Variants in PHLPP2 observed in about 807,000 individuals in gnomAD.
PHLPP2 encodes PH domain leucine-rich repeat-containing protein phosphatase 2.
In PHLPP2, 66 loss-of-function variants were observed where a neutral mutation model predicts 124.9. That is an observed-to-expected ratio of 0.53 (90% CI 0.43 to 0.65). The LOEUF is 0.65. PHLPP2 is among the 30% of genes least tolerant of loss of function. PHLPP2 has a pLI of 0.00. For missense variants in PHLPP2, 1,685 were observed against 1,600.4 expected (o/e 1.05, Z -0.90); for synonymous variants, 681 against 624.7 (o/e 1.09, Z -1.34).
chr16:71,704,259 G>A lies in PHLPP2; in HGVS notation c.285-1528C>T, dbSNP rs190242553. ...CTGGGAGAAGAGCTTGCAGTGAGCC[G>A]AGATGGTGCCACCGCACTCCAGCCT... On this transcript the variant is annotated intron_variant, in intron 2 of 18. Coordinates refer to ENST00000568954, the MANE Select transcript of PHLPP2 (RefSeq NM_015020.3). Among the ~76,000 whole-genome samples the A allele has an allele frequency of 4.3e-3, 634 of 147,154 alleles. 9 individuals are homozygous for A. The highest frequency in any genetic ancestry group is 0.015 in the African/African-American group (603 of 39,418).
In PHLPP2 at chr16:71,714,611, A is replaced by G. The variant is rs761026612; in HGVS notation, c.185T>C (p.Leu62Ser). ...CTCTACAGTGCAAAGGACGAGATGT[A>G]AGTCAGAGGAAGAGGAGGAGGAGGA... Reference protein sequence around the residue: ...SSSSSSSSSDLHLVLCTVETP... With the variant: ...SSSSSSSSSDSHLVLCTVETP... The change falls in exon 2 of 19, where the codon TTA becomes TCA. Residue 62 changes from leucine (L) to serine (S), a missense_variant. Physicochemically the swap from Leu to Ser is moderately radical, Grantham distance 145. Transcript: ENST00000568954. 38 of 1,614,090 alleles carry G rather than the reference A, an allele frequency of 2.4e-5. No individual in the cohort carries two copies. The South Asian group carries it at 3.6e-4, about 15-fold the overall frequency.
chr16:71,664,630 T>C lies in PHLPP2; in HGVS notation c.1785-531A>G, dbSNP rs372401669. 2.9e-4 allele frequency among the ~76,000 whole-genome samples: 44 copies of C among 152,204 alleles called. 1 individual carries two copies. The East Asian group carries it at 7.9e-3, about 27-fold the overall frequency. On this transcript the variant is annotated intron_variant, in intron 12 of 18. Coordinates refer to ENST00000568954, the MANE Select transcript of PHLPP2 (RefSeq NM_015020.3). ...AGCTGGGTGTGGTGGTGCACTCCTG[T>C]AGTCCCAGCTACTCGGGAGGCTGAG...
chr16:71,695,834 T>C (rs2045164252), intron 3 of PHLPP2, among the ~76,000 whole-genome samples: 1 of 152,164 alleles, frequency 6.6e-6, no homozygotes, highest in Non-Finnish European at 1.5e-5. Flanking sequence ...ATACCATTTA[T>C]GTAAACAAAA....
chr16:71,715,066 A>G (rs767102985), intron 1 of PHLPP2: 4 of 455,590 alleles, frequency 8.8e-6, no homozygotes, highest in East Asian at 4.3e-5. Flanking sequence ...AAGAATAACG[A>G]AACAGCGGGT....
intron 5 of PHLPP2, among the ~76,000 whole-genome samples, chr16:71,683,460 A>C (rs550853532): frequency 6.6e-6 from 1 of 152,308 alleles, no homozygotes. Context: ...GCAGACCAAG[A>C]AGCACTGGGA....
At chr16:71,661,005 T>C (rs1398529867) in intron 13 of PHLPP2, among the ~76,000 whole-genome samples, 1 of 152,092 alleles carries the variant, frequency 6.6e-6, no homozygotes, top group African/African-American at 2.4e-5. Context: ...CTGAATTCCA[T>C]TCAGTTTTAT....
chr16:71,669,432 G>C (rs1321810079), intron 10 of PHLPP2, 62 bp from the exon 11 acceptor site: 33 of 1,193,962 alleles, frequency 2.8e-5, no homozygotes, highest in Non-Finnish European at 3.8e-5. Context: ...CATTTCAGTA[G>C]GCTATAATGT....
chr16:71,681,802 C>T lies in PHLPP2; in HGVS notation c.839G>A (p.Arg280Gln), dbSNP rs2045001404. Residue 280 changes from arginine to glutamine, a missense_variant, in exon 6 of 19, where the codon CGA becomes CAA. Arg to Gln is a conservative substitution (Grantham distance 43, BLOSUM62 1). Coordinates refer to ENST00000568954, the MANE Select transcript of PHLPP2 (RefSeq NM_015020.3). ...TCTTTCTAACTGCATGAAGTTGTGTCGCAAGTTGAGGTAGGTAATATCTTG... is the reference window on the plus strand; with the variant it reads ...TCTTTCTAACTGCATGAAGTTGTGTTGCAAGTTGAGGTAGGTAATATCTTG... ...YSQDITYLNLRHNFMQLERPG... is the reference protein window; with the variant it reads ...YSQDITYLNLQHNFMQLERPG... 2 of 1,613,722 alleles carry T rather than the reference C, an allele frequency of 1.2e-6. No homozygotes were observed. The highest frequency in any genetic ancestry group is 8.5e-7 in the Non-Finnish European group (1 of 1,179,916).
chr16:71,683,843 T>G (rs1284592543), intron 5 of PHLPP2, among the ~76,000 whole-genome samples: 2 of 151,946 alleles, frequency 1.3e-5, no homozygotes, highest in Non-Finnish European at 2.9e-5. Context: ...CGGGCTGGAG[T>G]GCAATGGAAT....
rs181967521 is a variant in PHLPP2 at position 71,696,127 on chromosome 16, T to C, written c.419-5418A>G. Among the ~76,000 whole-genome samples the C allele has an allele frequency of 3.6e-3, 541 of 152,328 alleles. 2 individuals are homozygous for C. The highest frequency in any genetic ancestry group is 8.3e-3 in the South Asian group (40 of 4,830). ...AAATACACAATCATAAAAATAATTG[T>C]ATTAGGGTGGTGGAATGTTTTTCTA... On this transcript the variant is annotated intron_variant, in intron 3 of 18. Coordinates refer to ENST00000568954, the MANE Select transcript of PHLPP2 (RefSeq NM_015020.3).
chr16:71,721,734 A>G (rs541981607), intron 1 of PHLPP2, among the ~76,000 whole-genome samples: 31 of 152,222 alleles, frequency 2.0e-4, no homozygotes, highest in Admixed American at 3.9e-4. Context: ...ATCTTCTATA[A>G]GCTGAGTAAA....
Position 71,714,751 on chromosome 16 carries a change from CCTA to C in PHLPP2, c.42_44del (p.Ser14del), listed in dbSNP as rs1567630753. ...GCCAGTCTCTTTCTCGAGAACCAAA[CCTA>C]CTTCTCCTATTCAAACAATTTCTGC... is the stretch of plus-strand genomic sequence containing the variant. On this transcript the variant is annotated inframe_deletion, in exon 2 of 19. Coordinates refer to ENST00000568954, the MANE Select transcript of PHLPP2 (RefSeq NM_015020.3). The C allele has an allele frequency of 1.2e-6, 2 of 1,613,958 alleles. No homozygotes were observed. Among genetic ancestry groups the C allele is most frequent in the Admixed American group, 3.3e-5 (2 of 59,984 alleles).
At chr16:71,719,198 C>A (rs1295451156) in intron 1 of PHLPP2, among the ~76,000 whole-genome samples, 3 of 152,208 alleles carry the variant, frequency 2.0e-5, no homozygotes, top group Non-Finnish European at 4.4e-5. Flanking sequence ...ATGACAATTA[C>A]CTCTTACATC....
chr16:71,664,212 G>C, intron 12 of PHLPP2, 113 bp from the exon 13 acceptor site: 1 of 727,738 alleles, frequency 1.4e-6, no homozygotes, highest in Non-Finnish European at 2.3e-6. Flanking sequence ...CTTCCAAATG[G>C]GAAAAAAAAA....
At chr16:71,694,417 T>C (rs1287371980) in intron 3 of PHLPP2, among the ~76,000 whole-genome samples, 1 of 152,034 alleles carries the variant, frequency 6.6e-6, no homozygotes, top group African/African-American at 2.4e-5. Flanking sequence ...GCCGAGATCA[T>C]GCCATTGCAC....
intron 1 of PHLPP2, among the ~76,000 whole-genome samples, chr16:71,719,277 G>C (rs1395911249): frequency 6.6e-6 from 1 of 152,192 alleles, no homozygotes; most frequent in Admixed American, 6.5e-5. Flanking sequence ...GCTCATGCCT[G>C]TAATCCCAGC....
rs1029711179 is a variant in PHLPP2, at chr16:71,667,444, C to G, written c.1629-111G>C. 4 of 828,196 alleles carry G rather than the reference C, an allele frequency of 4.8e-6. No individual in the cohort carries two copies. In the African/African-American group the frequency reaches 6.9e-5, roughly 14 times the overall value. The allele number at this position is 828,196 out of a possible 1,614,324, so 51.3% of individuals were successfully genotyped here. The stretch of plus-strand genomic sequence containing the variant: ...TAGTTAACTTATAGAAACATATTCT[C>G]CTAGATTGTATACTCACTGACAAGT... On this transcript the variant is annotated intron_variant, in intron 11 of 18. Transcript: ENST00000568954.
intron 3 of PHLPP2, among the ~76,000 whole-genome samples, chr16:71,693,821 C>G (rs910512650): frequency 2.0e-5 from 3 of 152,232 alleles, no homozygotes; most frequent in African/African-American, 7.2e-5. Context: ...CCCCCAATTT[C>G]TTGACATCTC....
chr16:71,678,033 T>C (rs2044963281), intron 8 of PHLPP2: 2 of 152,044 alleles, frequency 1.3e-5, no homozygotes, highest in Admixed American at 6.6e-5. Context: ...GGAATTCTCA[T>C]AAAATGGTGG....
Sources: allele counts gnomAD v4.1 joint callset (sites outside exome capture counted in the v4.1 genomes callset), GRCh38; gene constraint gnomAD v4.1.1; transcripts MANE v1.5; gene names NCBI Gene and HGNC (gene_info 2026-07-23, HGNC 2026-07-21).